POU2F1: variants seen among roughly 807,000 people sequenced by gnomAD.
POU2F1 encodes the protein POU class 2 homeobox 1, also known as POU domain, class 2, transcription factor 1.
POU2F1 carries 16 observed loss-of-function variants against 84.9 expected under a neutral mutation model. The ratio of observed to expected loss-of-function variants is 0.19; its 90% confidence interval spans 0.13 to 0.29. The LOEUF is 0.29. Ranked by LOEUF, POU2F1 falls within the 10% of genes least tolerant of loss-of-function variation. The pLI is 1.00. For missense variants in POU2F1, 738 were observed against 942.6 expected (o/e 0.78, Z 2.84); for synonymous variants, 368 against 368.3 (o/e 1.00, Z 0.01).
chr1:167,360,507 G>A (rs1659286643), intron 2 of POU2F1, among the ~76,000 whole-genome samples: 1 of 152,150 alleles, frequency 6.6e-6, no homozygotes, highest in Non-Finnish European at 1.5e-5. Flanking sequence ...GGGTGTAGGT[G>A]TGGGGCTTTA....
intron 2 of POU2F1, among the ~76,000 whole-genome samples, chr1:167,338,571 A>G (rs1657631578): frequency 1.3e-5 from 2 of 152,202 alleles, no homozygotes; most frequent in South Asian, 4.1e-4. Context: ...CCAAAATAGT[A>G]TACTATCACC....
chr1:167,253,348 A>G (rs1023305379), intron 1 of POU2F1, among the ~76,000 whole-genome samples: 3 of 136,396 alleles, frequency 2.2e-5, no homozygotes, highest in Non-Finnish European at 4.6e-5. Flanking sequence ...ATTTTTTCCT[A>G]CTATTCTGTT....
At position 167,399,098 on chromosome 1, in the gene POU2F1, T is replaced by C. The variant is rs891084890; in HGVS notation, c.1270-88T>C. On this transcript the variant is annotated intron_variant, in intron 11 of 15. Transcript: ENST00000367866. ...GTGGATGGTCATATGTATCCCAGCT[T>C]CATTTTCTAACCTGACGTGATTATG... 4 of 1,337,406 alleles carry C rather than the reference T, an allele frequency of 3.0e-6. No individual in the cohort carries two copies. The African/African-American group carries it at 5.8e-5, about 19-fold the overall frequency. 82.8% of individuals were successfully genotyped at this position (1,337,406 alleles called of 1,614,324 possible).
At position 167,255,865 on chromosome 1, in the gene POU2F1, A is replaced by G. The variant is rs58803964; in HGVS notation, c.61+34907A>G. Among the ~76,000 whole-genome samples, 468 of 152,310 alleles carry G rather than the reference A, an allele frequency of 3.1e-3. 5 individuals carry two copies. The highest frequency in any genetic ancestry group is 0.011 in the African/African-American group (438 of 41,566). The stretch of plus-strand genomic sequence containing the variant: ...GTTTTAAGGGGATGATTAGGTTTTA[A>G]AAGAAGATAATGCAGATGGGAGGAG... On this transcript the variant is annotated intron_variant, in intron 1 of 15. Coordinates refer to ENST00000367866, the MANE Select transcript of POU2F1 (RefSeq NM_002697.4).
chr1:167,377,052 T>C (rs1226290074), intron 7 of POU2F1, among the ~76,000 whole-genome samples: 1 of 152,170 alleles, frequency 6.6e-6, no homozygotes, highest in Non-Finnish European at 1.5e-5. Flanking sequence ...AGAATGTCAG[T>C]CTTGGAAAAT....
Position 167,338,603 on chromosome 1 carries a change from G to A in POU2F1, c.127+6068G>A, listed in dbSNP as rs571496421. On this transcript the variant is annotated intron_variant, in intron 2 of 15. Coordinates refer to ENST00000367866, the MANE Select transcript of POU2F1 (RefSeq NM_002697.4). ...CACCAAAAAAGAAAGAGATAGAAGG[G>A]AGTGGTAATATTTTTTATAACATAG... 4.7e-4 allele frequency among the ~76,000 whole-genome samples: 71 copies of A among 152,274 alleles called. 1 individual carries two copies. Among genetic ancestry groups the A allele is most frequent in the African/African-American group, 1.6e-3 (68 of 41,550 alleles).
chr1:167,322,194 C>T (rs1002722325), intron 1 of POU2F1, among the ~76,000 whole-genome samples: 3 of 152,146 alleles, frequency 2.0e-5, no homozygotes, highest in African/African-American at 7.2e-5. Context: ...CAATAAGTTG[C>T]TTTGCCTTAT....
intron 1 of POU2F1, among the ~76,000 whole-genome samples, chr1:167,323,467 C>T (rs115124680): frequency 2.0e-5 from 3 of 152,068 alleles, no homozygotes; most frequent in African/African-American, 7.2e-5. Context: ...CATTTCAAAC[C>T]GCTTTCTGGT....
intron 1 of POU2F1, among the ~76,000 whole-genome samples, chr1:167,226,041 A>T (rs1439200741): frequency 3.3e-5 from 5 of 152,234 alleles, no homozygotes; most frequent in Non-Finnish European, 7.3e-5. Flanking sequence ...TGAATTTAGA[A>T]CTATTCAGGT....
intron 1 of POU2F1, among the ~76,000 whole-genome samples, chr1:167,278,258 C>CTATA (rs1346421738): frequency 6.6e-6 from 1 of 152,274 alleles, no homozygotes; most frequent in East Asian, 1.9e-4. Context: ...AAGACTGTTT[C>CTATA]TATAGAAAAA....
At chr1:167,392,563 A>G (rs1648503228) in intron 9 of POU2F1, among the ~76,000 whole-genome samples, 1 of 152,158 alleles carries the variant, frequency 6.6e-6, no homozygotes, top group South Asian at 2.1e-4. Context: ...CTTATCTTTT[A>G]CTCAAATAGT....
intron 1 of POU2F1, among the ~76,000 whole-genome samples, chr1:167,261,135 C>G (rs1651534899): frequency 6.6e-6 from 1 of 152,092 alleles, no homozygotes; most frequent in South Asian, 2.1e-4. Context: ...TCAACCATAA[C>G]ATATCTAAAA....
At chr1:167,294,344 A>G (rs1211737272) in intron 1 of POU2F1, among the ~76,000 whole-genome samples, 1 of 151,866 alleles carries the variant, frequency 6.6e-6, no homozygotes, top group Non-Finnish European at 1.5e-5. Flanking sequence ...GTGAGACTCC[A>G]TCTAAAAAAT....
At chr1:167,327,131 C>A (rs1218647570) in intron 1 of POU2F1, among the ~76,000 whole-genome samples, 1 of 152,028 alleles carries the variant, frequency 6.6e-6, no homozygotes, top group Non-Finnish European at 1.5e-5. Flanking sequence ...TATTTTAATA[C>A]AAAGTGGTGT....
At chr1:167,407,428 A>G (rs1285828669) in intron 13 of POU2F1, among the ~76,000 whole-genome samples, 1 of 152,178 alleles carries the variant, frequency 6.6e-6, no homozygotes, top group Non-Finnish European at 1.5e-5. Flanking sequence ...CTTGGAAGGG[A>G]CCAAGAATAG....
chr1:167,329,587 C>G (rs890399510), intron 1 of POU2F1, among the ~76,000 whole-genome samples: 3 of 152,022 alleles, frequency 2.0e-5, no homozygotes, highest in Admixed American at 1.3e-4. Context: ...TTTGGAAATT[C>G]CTATTGAGAA....
intron 2 of POU2F1, among the ~76,000 whole-genome samples, chr1:167,353,115 A>G (rs758629912): frequency 6.6e-5 from 10 of 152,118 alleles, no homozygotes; most frequent in Non-Finnish European, 8.8e-5. Context: ...TATAAATCCA[A>G]CTGTCTCTCA....
intron 4 of POU2F1, 48 bp downstream of exon 4, chr1:167,370,262 TTA>T: frequency 6.6e-7 from 1 of 1,508,374 alleles, no homozygotes; most frequent in South Asian, 1.3e-5. Context: ...TTATTTTTTC[TTA>T]TATTTTTCTG....
At chr1:167,283,477 A>G (rs923665640) in intron 1 of POU2F1, among the ~76,000 whole-genome samples, 2 of 152,354 alleles carry the variant, frequency 1.3e-5, no homozygotes, top group East Asian at 1.9e-4. Flanking sequence ...GTTTGCTGGA[A>G]TGAATGGATG....
Sources: allele counts gnomAD v4.1 joint callset (sites outside exome capture counted in the v4.1 genomes callset), GRCh38; gene constraint gnomAD v4.1.1; transcripts MANE v1.5; gene names NCBI Gene and HGNC (gene_info 2026-07-23, HGNC 2026-07-21).